DTX2: variants seen among roughly 807,000 people sequenced by gnomAD.
DTX2 encodes the protein probable E3 ubiquitin-protein ligase DTX2.
In DTX2, 29 loss-of-function variants were observed where a neutral mutation model predicts 55.3. That is an observed-to-expected ratio of 0.52 (90% confidence interval 0.39 to 0.71). The LOEUF is 0.71. Among genes scored for constraint, DTX2 ranks in the 30% least tolerant of loss-of-function variants. The pLI, the probability that DTX2 is intolerant of heterozygous loss-of-function variation, is 0.00. For missense variants in DTX2, 537 were observed against 822.5 expected (o/e 0.65, Z 4.25); for synonymous variants, 276 against 340.4 (o/e 0.81, Z 2.08).
intron 9 of DTX2, 140 bp downstream of exon 9, chr7:76,503,727 C>T: frequency 1.0e-6 from 1 of 966,270 alleles, no homozygotes; most frequent in East Asian, 2.7e-5. Flanking sequence ...AGGCCAGAGC[C>T]ATGGAGGGCC....
chr7:76,491,684 C>CT (rs200401428), intron 4 of DTX2, among the ~76,000 whole-genome samples: 2 of 84,980 alleles, frequency 2.4e-5, no homozygotes. Context: ...TTTTCAGAGT[C>CT]TTTATTTTTT....
At chr7:76,480,937 C>T (rs1231126455) in intron 3 of DTX2, among the ~76,000 whole-genome samples, 160 bp downstream of exon 3, 1 of 152,230 alleles carries the variant, frequency 6.6e-6, no homozygotes, top group Non-Finnish European at 1.5e-5. Context: ...GGAACATCCA[C>T]ATAGGTTGAG....
chr7:76,468,026 A>T (rs1388003538), intron 2 of DTX2, among the ~76,000 whole-genome samples: 1 of 152,408 alleles, frequency 6.6e-6, no homozygotes, highest in Non-Finnish European at 1.5e-5. Context: ...GCAAGGGAAT[A>T]TTGAAGCCAT....
chr7:76,486,872 C>CTGT (rs1223574653), intron 4 of DTX2, among the ~76,000 whole-genome samples: 12 of 136,202 alleles, frequency 8.8e-5, no homozygotes, highest in Non-Finnish European at 1.9e-4. Flanking sequence ...GCTGCTGCTG[C>CTGT]TGCTGCTGCT....
intron 3 of DTX2, 116 bp downstream of exon 3, chr7:76,480,893 C>G: frequency 8.1e-7 from 1 of 1,232,392 alleles, no homozygotes; most frequent in Non-Finnish European, 1.1e-6. Flanking sequence ...TCTCTCCCTG[C>G]AGCACACGTG....
In DTX2 at chr7:76,505,087, T is replaced by C. The variant is rs1268714373; in HGVS notation, c.1642-287T>C. On this transcript the variant is annotated intron_variant, in intron 10 of 10. Coordinates refer to ENST00000430490, the MANE Select transcript of DTX2 (RefSeq NM_001102594.3). This position sits in a 1 kb window ranked among gnomAD's most constrained non-coding sequence, Gnocchi z 4.4. ...GCGGGCGCTCGTCCAGCAACGGCTG[T>C]GGAAGCAGGGAGGACTCGAGCATGG... 6.6e-6 allele frequency among the ~76,000 whole-genome samples: 1 copy of C among 151,534 alleles called. No homozygotes were observed. Among genetic ancestry groups the C allele is most frequent in the Non-Finnish European group, 1.5e-5 (1 of 67,844 alleles).
chr7:76,503,939 T>A (rs1382869769), intron 9 of DTX2, among the ~76,000 whole-genome samples: 2 of 148,152 alleles, frequency 1.3e-5, no homozygotes, highest in Non-Finnish European at 3.0e-5. Flanking sequence ...CACAGCAGGG[T>A]GTGCGTCGAG....
intron 2 of DTX2, chr7:76,474,826 CT>C (rs973857082): frequency 6.6e-6 from 1 of 151,872 alleles, no homozygotes; most frequent in Non-Finnish European, 1.5e-5. Flanking sequence ...ACTAGAAAGA[CT>C]TTTGGATACT....
intron 2 of DTX2, among the ~76,000 whole-genome samples, chr7:76,464,362 C>T (rs556195156): frequency 4.1e-3 from 611 of 148,452 alleles, no homozygotes; most frequent in African/African-American, 0.015. Context: ...GGGCTCTGAG[C>T]GAGGAGGGTT....
rs1280150393 is a variant in DTX2, at chr7:76,498,859, G to A, written c.1150+1382G>A. Among the ~76,000 whole-genome samples, 6 of 115,770 alleles carry A rather than the reference G, an allele frequency of 5.2e-5. 1 individual carries two copies. Among genetic ancestry groups the A allele is most frequent in the African/African-American group, 2.6e-4 (6 of 23,214 alleles). 75.9% of individuals were successfully genotyped at this position (115,770 alleles called of 152,430 possible). A position where few individuals can be genotyped will look rare whatever the true frequency, so the allele number is the denominator to read the frequency against. On this transcript the variant is annotated intron_variant, in intron 6 of 10. Transcript: ENST00000430490. ...GAGGGTGTGTGGGGTGTGTGGAGGT[G>A]AGGGTGTGTGGGGTGTGTGGAGGTG... is the stretch of plus-strand genomic sequence containing the variant.
intron 2 of DTX2, among the ~76,000 whole-genome samples, chr7:76,475,648 C>A (rs1808470230): frequency 6.6e-6 from 1 of 151,824 alleles, no homozygotes; most frequent in Admixed American, 6.6e-5. Flanking sequence ...AATTGCACTG[C>A]TGCACTCCTG....
intron 2 of DTX2, among the ~76,000 whole-genome samples, chr7:76,466,442 A>G (rs1807194155): frequency 6.6e-6 from 1 of 151,758 alleles, no homozygotes; most frequent in Non-Finnish European, 1.5e-5. Context: ...AAAACTTTAA[A>G]AAGTTTTCTA....
At chr7:76,498,876 GTGGAGGTGTGGGGTGTA>G (rs1171334738) in intron 6 of DTX2, among the ~76,000 whole-genome samples, 15 of 73,118 alleles carry the variant, frequency 2.1e-4, no homozygotes, top group Admixed American at 1.8e-3. Context: ...TGTGGGGTGT[GTGGAGGTGTGGGGTGTA>G]TGGAGGTGTG....
chr7:76,499,071 TG>T (rs1811323673), intron 6 of DTX2, among the ~76,000 whole-genome samples: 1 of 9,424 alleles, frequency 1.1e-4, no homozygotes, highest in Non-Finnish European at 1.8e-4. Flanking sequence ...GAGCTGTGTG[TG>T]GTGTGTGGAG....
rs1479896990 is a variant in DTX2 at position 76,505,031 on chromosome 7, A to G, written c.1642-343A>G. On this transcript the variant is annotated intron_variant, in intron 10 of 10. Coordinates refer to ENST00000430490, the MANE Select transcript of DTX2 (RefSeq NM_001102594.3). This position sits in a 1 kb window ranked among gnomAD's most constrained non-coding sequence, Gnocchi z 4.4. ...GGGAGAGGGCAGGGAGAGGGCAGGGAGGCCTGGATTCCACCAGGGAGGGTG... is the reference window on the plus strand; with the variant it reads ...GGGAGAGGGCAGGGAGAGGGCAGGGGGGCCTGGATTCCACCAGGGAGGGTG... 1.0e-4 allele frequency among the ~76,000 whole-genome samples: 10 copies of G among 96,498 alleles called. No homozygotes were observed. The highest frequency in any genetic ancestry group is 3.6e-4 in the African/African-American group (9 of 24,926). 63.3% of individuals were successfully genotyped at this position (96,498 alleles called of 152,430 possible). A position where few individuals can be genotyped will look rare whatever the true frequency, so the allele number is the denominator to read the frequency against.
chr7:76,463,368 T>A (rs1414822993), intron 1 of DTX2, 177 bp from the exon 2 acceptor site: 1 of 152,262 alleles, frequency 6.6e-6, no homozygotes, highest in Non-Finnish European at 1.5e-5. Context: ...TCTCCTTGAT[T>A]GTTAAGTGGG....
chr7:76,505,727 C>T lies in DTX2; in HGVS notation c.*126C>T, dbSNP rs757925978. The T allele has an allele frequency of 2.6e-5, 27 of 1,033,170 alleles. No individual in the cohort carries two copies. The Admixed American group carries it at 6.0e-4, about 23-fold the overall frequency. 64.0% of individuals were successfully genotyped at this position (1,033,170 alleles called of 1,614,324 possible). On this transcript the variant is annotated 3_prime_UTR_variant, in exon 11 of 11. Transcript: ENST00000430490. The surrounding 1 kb of genome is among the most constrained non-coding windows in gnomAD (Gnocchi z 4.4). Reference sequence around the variant, plus strand: ...TGTTGAGGGTGTGGGGTGTGCCCCACCTGAAGCCGGGGCTCCCCCTGCCTG... The same window carrying T: ...TGTTGAGGGTGTGGGGTGTGCCCCATCTGAAGCCGGGGCTCCCCCTGCCTG...
intron 2 of DTX2, among the ~76,000 whole-genome samples, chr7:76,477,556 C>T (rs1312091305): frequency 6.6e-6 from 1 of 151,406 alleles, no homozygotes; most frequent in Non-Finnish European, 1.5e-5. Context: ...ATACTTCCAT[C>T]AAGATGATAC....
intron 7 of DTX2, chr7:76,501,377 C>T: frequency 2.3e-6 from 1 of 436,814 alleles, no homozygotes; most frequent in Non-Finnish European, 4.6e-6. Context: ...TCCCGCCTGC[C>T]CAGCGCTCAG....
Sources: allele counts gnomAD v4.1 joint callset (sites outside exome capture counted in the v4.1 genomes callset), GRCh38; gene constraint gnomAD v4.1.1; non-coding constraint Gnocchi (gnomAD v3.1); transcripts MANE v1.5; gene names NCBI Gene and HGNC (gene_info 2026-07-23, HGNC 2026-07-21).